The following PCDHGB5 variants were observed in gnomAD, a reference collection of about 807,000 sequenced individuals.
PCDHGB5 encodes the protein protocadherin gamma subfamily B, 5.
Under a neutral mutation model 62.9 loss-of-function variants are expected in PCDHGB5, and 48 were observed. The ratio of observed to expected loss-of-function variants is 0.76; its 90% CI spans 0.61 to 0.97. The LOEUF (loss-of-function observed/expected upper bound fraction) is 0.97, where lower values mean the gene tolerates loss of function less well. Among genes scored for constraint, PCDHGB5 ranks in the 50% least tolerant of loss-of-function variants. The pLI, the probability that PCDHGB5 is intolerant of heterozygous loss-of-function variation, is 0.00. For synonymous variants in PCDHGB5, 474 were observed against 511.2 expected, an observed-to-expected ratio of 0.93 and a Z score of 0.98; for missense variants, 1,118 against 1,198.6, an observed-to-expected ratio of 0.93 and a Z score of 0.99.
At chr5:141,402,882 G>A in intron 1 of PCDHGB5, 1 of 1,479,680 alleles carries the variant, frequency 6.8e-7, no homozygotes, top group South Asian at 1.4e-5. Context: ...TACTTTGCAG[G>A]GTGGAAGAAA....
At chr5:141,414,932 C>T (rs770025434) in intron 1 of PCDHGB5, 3 of 1,614,162 alleles carry the variant, frequency 1.9e-6, no homozygotes, top group Middle Eastern at 1.7e-4. Context: ...CCCCGCTCCG[C>T]AGAGCCCGGC....
rs558074504 is a variant in PCDHGB5, at chr5:141,489,065, C to G, written c.2398-5742C>G. On this transcript the variant is annotated intron_variant, in intron 1 of 3. Coordinates refer to ENST00000617380, the MANE Select transcript of PCDHGB5 (RefSeq NM_018925.3). This position sits in a 1 kb window ranked among gnomAD's most constrained non-coding sequence, Gnocchi z 4.5. ...CCACTCAAATTCAGCTCCCCTCCCC[C>G]CTGCCCACCCCCGCCACTCGGTGAC... is the stretch of plus-strand genomic sequence containing the variant. The G allele has an allele frequency of 1.5e-4, 57 of 389,046 alleles. No homozygotes were observed. Among genetic ancestry groups the G allele is most frequent in the African/African-American group, 8.5e-4 (40 of 47,278 alleles). 24.1% of individuals were successfully genotyped at this position (389,046 alleles called of 1,614,324 possible).
intron 2 of PCDHGB5, among the ~76,000 whole-genome samples, chr5:141,500,046 T>C (rs959260262): frequency 1.3e-5 from 2 of 152,098 alleles, no homozygotes; most frequent in African/African-American, 4.8e-5. Context: ...TTAAGTATCT[T>C]AATGCTCTTT....
At chr5:141,483,706 C>T (rs1187078630) in intron 1 of PCDHGB5, among the ~76,000 whole-genome samples, 1 of 151,926 alleles carries the variant, frequency 6.6e-6, no homozygotes, top group African/African-American at 2.4e-5. Context: ...CTTTTTGACA[C>T]CAGAATATTG....
Position 141,485,210 on chromosome 5 carries a change from C to T in PCDHGB5, c.2398-9597C>T, listed in dbSNP as rs2099609472. 1.2e-6 allele frequency: 2 copies of T among 1,614,058 alleles called. No individual in the cohort carries two copies. The highest frequency in any genetic ancestry group is 1.3e-5 in the African/African-American group (1 of 75,046). ...GGTGAGAAGCTGGACAGAAATCTGG[C>T]GGTGGGCTACCCTTTTGTTCCTCTT... On this transcript the variant is annotated intron_variant, in intron 1 of 3. Coordinates refer to ENST00000617380, the MANE Select transcript of PCDHGB5 (RefSeq NM_018925.3). The surrounding 1 kb of genome is among the most constrained non-coding windows in gnomAD (Gnocchi z 5.7).
intron 2 of PCDHGB5, among the ~76,000 whole-genome samples, chr5:141,503,448 C>T (rs765046868): frequency 2.0e-5 from 3 of 151,808 alleles, no homozygotes; most frequent in South Asian, 2.1e-4. Context: ...TACAAAAATT[C>T]GCTGGGCATG....
chr5:141,469,436 G>A (rs556417221), intron 1 of PCDHGB5, among the ~76,000 whole-genome samples: 11 of 152,118 alleles, frequency 7.2e-5, no homozygotes, highest in East Asian at 1.9e-4. Flanking sequence ...TTAGCTGGGC[G>A]TGGTGGTGCA....
chr5:141,441,359 G>T (rs932747576), intron 1 of PCDHGB5: 1 of 152,522 alleles, frequency 6.6e-6, no homozygotes, highest in Non-Finnish European at 1.5e-5. Flanking sequence ...TGTAACAAAT[G>T]GGGCCGTGGA....
rs2099668037 is a variant in PCDHGB5 at position 141,487,853 on chromosome 5, T to C, written c.2398-6954T>C. The C allele has an allele frequency of 1.0e-6, 1 of 984,708 alleles. No individual in the cohort carries two copies. The allele number at this position is 984,708 out of a possible 1,614,324, so 61.0% of individuals were successfully genotyped here. The stretch of plus-strand genomic sequence containing the variant: ...CCTATATCTGAGTAAGAAATGAAAG[T>C]AATTGGTGATCAAGAGCCAGGCTGT... On this transcript the variant is annotated intron_variant, in intron 1 of 3. Transcript: ENST00000617380. The surrounding 1 kb of genome is among the most constrained non-coding windows in gnomAD (Gnocchi z 5.0).
At chr5:141,404,655 C>T (rs2094551486) in intron 1 of PCDHGB5, 1 of 1,614,062 alleles carries the variant, frequency 6.2e-7, no homozygotes, top group Non-Finnish European at 8.5e-7. Flanking sequence ...CCTGCCCTCC[C>T]CACTGATGGT....
chr5:141,470,872 T>G, intron 1 of PCDHGB5, among the ~76,000 whole-genome samples: 1 of 151,814 alleles, frequency 6.6e-6, no homozygotes, highest in East Asian at 1.9e-4. Context: ...GTTTGTTTGT[T>G]TTTTTGTTTT....
chr5:141,408,924 T>G, intron 1 of PCDHGB5: 1 of 1,612,706 alleles, frequency 6.2e-7, no homozygotes. Flanking sequence ...AACCCCCCGG[T>G]TTTCAGCAGA....
At position 141,486,348 on chromosome 5, in the gene PCDHGB5, A is replaced by G. The variant is rs754981437; in HGVS notation, c.2398-8459A>G. ...GATGTGAGCCTCCGCATTCCTGACC[A>G]CTTGCCATTTGCCCTCAAGTCTGCC... is the stretch of plus-strand genomic sequence containing the variant. On this transcript the variant is annotated intron_variant, in intron 1 of 3. Transcript: ENST00000617380. The surrounding 1 kb of genome is among the most constrained non-coding windows in gnomAD (Gnocchi z 5.0). 1.9e-6 allele frequency: 3 copies of G among 1,613,900 alleles called. No individual in the cohort carries two copies. The highest frequency in any genetic ancestry group is 2.5e-6 in the Non-Finnish European group (3 of 1,179,996).
In PCDHGB5 at chr5:141,431,937, A is replaced by T; in HGVS notation, c.2397+31413A>T. On this transcript the variant is annotated intron_variant, in intron 1 of 3. Coordinates refer to ENST00000617380, the MANE Select transcript of PCDHGB5 (RefSeq NM_018925.3). The surrounding 1 kb of genome is among the most constrained non-coding windows in gnomAD (Gnocchi z 4.8). ...TTCATCCAAGGAAATCTGCCCTTTAAATTAGAAAAATCTTACGGAAATTAC... is the reference window on the plus strand; with the variant it reads ...TTCATCCAAGGAAATCTGCCCTTTATATTAGAAAAATCTTACGGAAATTAC... The T allele has an allele frequency of 6.2e-7, 1 of 1,614,144 alleles. No individual in the cohort carries two copies. The highest frequency in any genetic ancestry group is 8.5e-7 in the Non-Finnish European group (1 of 1,180,014).
intron 1 of PCDHGB5, among the ~76,000 whole-genome samples, chr5:141,483,322 G>C (rs1325809962): frequency 1.3e-5 from 2 of 152,110 alleles, no homozygotes. Flanking sequence ...TGGGACTGGA[G>C]GCAAAGAGAT....
intron 1 of PCDHGB5, 82 bp from the exon 2 acceptor site, chr5:141,494,725 C>T: frequency 6.2e-7 from 1 of 1,610,026 alleles, no homozygotes; most frequent in Middle Eastern, 1.7e-4. Context: ...CCCTCCTTCT[C>T]TCCCGGCCCA....
chr5:141,469,753 T>C (rs564585597), intron 1 of PCDHGB5, among the ~76,000 whole-genome samples: 1 of 152,322 alleles, frequency 6.6e-6, no homozygotes, highest in East Asian at 1.9e-4. Flanking sequence ...ATTACAAAAA[T>C]ACATATATAC....
intron 1 of PCDHGB5, among the ~76,000 whole-genome samples, chr5:141,458,236 C>T (rs6874378): frequency 0.18 from 27,546 of 152,106 alleles, 2,658 homozygotes; most frequent in Admixed American, 0.28. Flanking sequence ...AGTCCATGCA[C>T]CAAAATGATA....
Position 141,491,482 on chromosome 5 carries a change from A to G in PCDHGB5, c.2398-3325A>G. On this transcript the variant is annotated intron_variant, in intron 1 of 3. Coordinates refer to ENST00000617380, the MANE Select transcript of PCDHGB5 (RefSeq NM_018925.3). The surrounding 1 kb of genome is among the most constrained non-coding windows in gnomAD (Gnocchi z 6.9). Reference sequence around the variant, plus strand: ...GGACTTCTATAAGCAGTCCAGCCCCAACCTGCAGGTGAGCTCGGACGGCAC... The same window carrying G: ...GGACTTCTATAAGCAGTCCAGCCCCGACCTGCAGGTGAGCTCGGACGGCAC... 1 of 1,614,088 alleles carries G rather than the reference A, an allele frequency of 6.2e-7. No individual in the cohort carries two copies. The highest frequency in any genetic ancestry group is 8.5e-7 in the Non-Finnish European group (1 of 1,180,006).
Sources: gnomAD v4.1 joint callset for allele counts (sites outside exome capture counted in the v4.1 genomes callset) on GRCh38, gnomAD v4.1.1 for gene constraint, Gnocchi (gnomAD v3.1) non-coding constraint, MANE v1.5 for transcripts, NCBI Gene and HGNC (gene_info 2026-07-23, HGNC 2026-07-21) for gene names.